The following SRSF4 variants were observed in gnomAD, a reference collection of about 807,000 sequenced individuals.
SRSF4 encodes the protein serine and arginine rich splicing factor 4, also known as serine/arginine-rich splicing factor 4.
SRSF4 carries 12 observed loss-of-function variants against 48.8 expected under a neutral mutation model. That is an observed-to-expected ratio of 0.25 (90% CI 0.16 to 0.40). SRSF4 has a LOEUF of 0.40. Among genes scored for constraint, SRSF4 ranks in the 10% least tolerant of loss-of-function variants. The probability of loss-of-function intolerance (pLI) is 1.00; values close to 1 mark genes in which losing one functional copy is unlikely to be tolerated. For synonymous variants in SRSF4, 248 were observed against 232.5 expected, an observed-to-expected ratio of 1.07 and a Z score of -0.61; for missense variants, 466 against 667.1, an observed-to-expected ratio of 0.70 and a Z score of 3.32.
chr1:29,149,624 T>C (rs1574187910), intron 5 of SRSF4, among the ~76,000 whole-genome samples: 1 of 139,868 alleles, frequency 7.1e-6, no homozygotes, highest in Admixed American at 8.0e-5. Context: ...GAGGTTGCAG[T>C]GAGCCGAGAT....
chr1:29,176,041 A>G (rs1005216412), intron 1 of SRSF4, among the ~76,000 whole-genome samples: 10 of 152,064 alleles, frequency 6.6e-5, no homozygotes, highest in Non-Finnish European at 1.0e-4. Flanking sequence ...TCATGAGGTC[A>G]GGAGATCAAG....
At chr1:29,180,633 C>T (rs1198210637) in intron 1 of SRSF4, among the ~76,000 whole-genome samples, 2 of 152,172 alleles carry the variant, frequency 1.3e-5, no homozygotes, top group African/African-American at 4.8e-5. Context: ...AGTTCTCTAA[C>T]ACCCAAGGTT....
chr1:29,177,922 CAG>C (rs1346095767), intron 1 of SRSF4, among the ~76,000 whole-genome samples: 6 of 102,968 alleles, frequency 5.8e-5, no homozygotes, highest in East Asian at 2.6e-4. Flanking sequence ...TTTTTTGAGA[CAG>C]AGTCTTGCTC....
At chr1:29,161,603 ATTTAT>A (rs1340150623) in intron 1 of SRSF4, among the ~76,000 whole-genome samples, 2 of 152,144 alleles carry the variant, frequency 1.3e-5, no homozygotes, top group Admixed American at 1.3e-4. Flanking sequence ...TTATTTATTT[ATTTAT>A]TTTATTTTTT....
At chr1:29,161,557 C>T (rs1164030331) in intron 1 of SRSF4, among the ~76,000 whole-genome samples, 2 of 152,314 alleles carry the variant, frequency 1.3e-5, no homozygotes, top group African/African-American at 4.8e-5. Context: ...GTCAGAGGGT[C>T]ACTCAGCCTG....
chr1:29,152,291 G>A (rs552358877), intron 4 of SRSF4, among the ~76,000 whole-genome samples: 56 of 152,312 alleles, frequency 3.7e-4, no homozygotes, highest in Middle Eastern at 3.4e-3. Context: ...CAATGCAGCA[G>A]GAGCGGGTGA....
At position 29,178,353 on chromosome 1, in the gene SRSF4, C is replaced by CTTCTTTTTTTTTTTTTTTT. The variant is rs141096220; in HGVS notation, c.107+3292_107+3293insAAAAAAAAAAAAAAAAGAA. The stretch of plus-strand genomic sequence containing the variant: ...AAAATCTGTTTCTGAGTTTCAATTA[C>CTTCTTTTTTTTTTTTTTTT]TTTTTTTTTTGAGACAGAGTCTCGC... On this transcript the variant is annotated intron_variant, in intron 1 of 5. Coordinates refer to ENST00000373795, the MANE Select transcript of SRSF4 (RefSeq NM_005626.5). Among the ~76,000 whole-genome samples the CTTCTTTTTTTTTTTTTTTT allele has an allele frequency of 6.1e-4, 78 of 127,890 alleles. 3 individuals carry two copies. Among genetic ancestry groups the CTTCTTTTTTTTTTTTTTTT allele is most frequent in the East Asian group, 2.6e-3 (11 of 4,300 alleles). 83.9% of individuals were successfully genotyped at this position (127,890 alleles called of 152,430 possible). A position where few individuals can be genotyped will look rare whatever the true frequency, so the allele number is the denominator to read the frequency against.
chr1:29,170,082 T>G (rs1383942414), intron 1 of SRSF4: 1 of 152,216 alleles, frequency 6.6e-6, no homozygotes, highest in Non-Finnish European at 1.5e-5. Flanking sequence ...AAAGTCAACA[T>G]GGCTTTCCTG....
intron 4 of SRSF4, among the ~76,000 whole-genome samples, chr1:29,153,055 G>GC (rs1258177350): frequency 1.3e-5 from 2 of 152,152 alleles, no homozygotes; most frequent in Non-Finnish European, 2.9e-5. Context: ...TGTGCTGTGT[G>GC]CATTTTCTTG....
chr1:29,176,043 G>A (rs1175111655), intron 1 of SRSF4, among the ~76,000 whole-genome samples: 4 of 151,966 alleles, frequency 2.6e-5, no homozygotes, highest in Non-Finnish European at 4.4e-5. Context: ...ATGAGGTCAG[G>A]AGATCAAGAC....
At chr1:29,167,395 G>GT (rs1277888641) in intron 1 of SRSF4, among the ~76,000 whole-genome samples, 2 of 151,388 alleles carry the variant, frequency 1.3e-5, no homozygotes, top group South Asian at 2.1e-4. Context: ...TTTTGTTTTT[G>GT]TTTTTTTGAG....
intron 1 of SRSF4, among the ~76,000 whole-genome samples, chr1:29,162,697 G>C (rs16837965): frequency 6.6e-6 from 1 of 152,170 alleles, no homozygotes; most frequent in Non-Finnish European, 1.5e-5. Context: ...ACTCTGGCTC[G>C]GCACTGTTCA....
At chr1:29,180,298 G>A (rs1672935371) in intron 1 of SRSF4, among the ~76,000 whole-genome samples, 2 of 151,794 alleles carry the variant, frequency 1.3e-5, no homozygotes, top group South Asian at 4.1e-4. Flanking sequence ...ATACAATAAC[G>A]TCTACCCGCC....
At chr1:29,150,394 A>T (rs1396389920) in intron 4 of SRSF4, among the ~76,000 whole-genome samples, 1 of 152,080 alleles carries the variant, frequency 6.6e-6, no homozygotes, top group Non-Finnish European at 1.5e-5. Context: ...CCTCCCAAGT[A>T]TCTGGGATTA....
chr1:29,148,296 T>C lies in SRSF4; in HGVS notation c.*114A>G, dbSNP rs759684566. 79 of 1,343,286 alleles carry C rather than the reference T, an allele frequency of 5.9e-5. No individual in the cohort carries two copies. Among genetic ancestry groups the C allele is most frequent in the Non-Finnish European group, 7.5e-5 (72 of 960,498 alleles). 83.2% of individuals were successfully genotyped at this position (1,343,286 alleles called of 1,614,324 possible). On this transcript the variant is annotated 3_prime_UTR_variant, in exon 6 of 6. Transcript: ENST00000373795. ...AGATTTAACAATTATAGACACACCA[T>C]TAGGGGAGTTAAAAATGTACAGCAG...
intron 1 of SRSF4, among the ~76,000 whole-genome samples, chr1:29,167,467 C>A (rs1368218913): frequency 6.6e-6 from 1 of 152,224 alleles, no homozygotes; most frequent in Non-Finnish European, 1.5e-5. Flanking sequence ...TCACTGCAGC[C>A]TCCACCTCCC....
In SRSF4 at chr1:29,181,852, G is replaced by GGGC. The variant is rs1403302772; in HGVS notation, c.-103_-101dup. 25 of 1,022,796 alleles carry GGGC rather than the reference G, an allele frequency of 2.4e-5. No individual in the cohort carries two copies. Among genetic ancestry groups the GGGC allele is most frequent in the Non-Finnish European group, 3.0e-5 (23 of 769,972 alleles). The allele number at this position is 1,022,796 out of a possible 1,614,324, so 63.4% of individuals were successfully genotyped here. A position where few individuals can be genotyped will look rare whatever the true frequency, so the allele number is the denominator to read the frequency against. The stretch of plus-strand genomic sequence containing the variant: ...GGCAGCGGCGGCGGCGGCAACGGGC[G>GGGC]GGCGGCGGGACGGACGCAGCCGAAC... On this transcript the variant is annotated 5_prime_UTR_variant, in exon 1 of 6. Coordinates refer to ENST00000373795, the MANE Select transcript of SRSF4 (RefSeq NM_005626.5).
chr1:29,172,976 G>C (rs1195591531), intron 1 of SRSF4: 1 of 152,036 alleles, frequency 6.6e-6, no homozygotes, highest in Non-Finnish European at 1.5e-5. Context: ...GAAAATACAT[G>C]AGATAAATTA....
At chr1:29,161,797 C>T (rs1219815220) in intron 1 of SRSF4, among the ~76,000 whole-genome samples, 1 of 152,180 alleles carries the variant, frequency 6.6e-6, no homozygotes, top group African/African-American at 2.4e-5. Flanking sequence ...CAGGGTTTTG[C>T]CATGTTGGCC....
Sources: allele counts gnomAD v4.1 joint callset (sites outside exome capture counted in the v4.1 genomes callset), GRCh38; gene constraint gnomAD v4.1.1; transcripts MANE v1.5; gene names NCBI Gene and HGNC (gene_info 2026-07-23, HGNC 2026-07-21).